The following SPSB1 variants were observed in gnomAD, a reference collection of about 807,000 sequenced individuals.
SPSB1 encodes the protein splA/ryanodine receptor domain and SOCS box containing 1.
A neutral mutation model predicts 21.2 loss-of-function variants in SPSB1; 8 were observed. The ratio of observed to expected loss-of-function variants is 0.38; its 90% CI spans 0.22 to 0.68. The LOEUF is 0.68. Ranked by LOEUF, SPSB1 falls within the 30% of genes least tolerant of loss-of-function variation. SPSB1 has a pLI of 0.53. For missense variants in SPSB1, 242 were observed against 377.8 expected, an observed-to-expected ratio of 0.64 and a Z score of 2.98; for synonymous variants, 169 against 161.7, an observed-to-expected ratio of 1.05 and a Z score of -0.34.
chr1:9,332,952 G>A (rs925462295), intron 1 of SPSB1, among the ~76,000 whole-genome samples: 13 of 152,240 alleles, frequency 8.5e-5, no homozygotes, highest in African/African-American at 2.7e-4. Context: ...GCTGTGGGTG[G>A]TTCTGGCCTG....
intron 1 of SPSB1, among the ~76,000 whole-genome samples, chr1:9,295,134 C>G (rs1392547185): frequency 6.6e-6 from 1 of 152,132 alleles, no homozygotes; most frequent in East Asian, 1.9e-4. Context: ...ATTTAAAGCA[C>G]TCCTGCTCTC....
At position 9,293,204 on chromosome 1, in the gene SPSB1, C is replaced by A; in HGVS notation, c.-150+133C>A. 1.1e-6 allele frequency: 1 copy of A among 950,258 alleles called. No individual in the cohort carries two copies. The highest frequency in any genetic ancestry group is 1.3e-6 in the Non-Finnish European group (1 of 799,454). The allele number at this position is 950,258 out of a possible 1,614,324, so 58.9% of individuals were successfully genotyped here. A position where few individuals can be genotyped will look rare whatever the true frequency, so the allele number is the denominator to read the frequency against. On this transcript the variant is annotated intron_variant, in intron 1 of 2. Transcript: ENST00000328089. The surrounding 1 kb of genome is among the most constrained non-coding windows in gnomAD (Gnocchi z 5.1). ...ACCGAGTGGGTGGCGCGGGGCCGGG[C>A]GCGGGGGAGCGGGTGGAGTACGGGA...
At chr1:9,316,803 G>A (rs1201739348) in intron 1 of SPSB1, among the ~76,000 whole-genome samples, 3 of 152,224 alleles carry the variant, frequency 2.0e-5, no homozygotes, top group African/African-American at 7.2e-5. Context: ...AGCCCAGCTT[G>A]GGAGGTGGCT....
At chr1:9,359,807 C>T (rs1640437594) in intron 2 of SPSB1, among the ~76,000 whole-genome samples, 1 of 113,740 alleles carries the variant, frequency 8.8e-6, no homozygotes, top group South Asian at 2.9e-4. Context: ...CCAGGCTTGT[C>T]CCGGTGAGAG....
At chr1:9,322,940 A>C (rs1453283937) in intron 1 of SPSB1, among the ~76,000 whole-genome samples, 5 of 143,398 alleles carry the variant, frequency 3.5e-5, no homozygotes, top group Non-Finnish European at 6.0e-5. Flanking sequence ...CTGGGCTTGC[A>C]AGGAGGTTCC....
At chr1:9,333,611 G>A (rs780332576) in intron 1 of SPSB1, among the ~76,000 whole-genome samples, 25 of 152,254 alleles carry the variant, frequency 1.6e-4, no homozygotes, top group Admixed American at 4.6e-4. Context: ...GATTACAAGC[G>A]TGAGCCACCA....
rs1305758520 is a variant in SPSB1, at chr1:9,343,693, C to T, written c.-149-12050C>T. Among the ~76,000 whole-genome samples, 3 of 152,338 alleles carry T rather than the reference C, an allele frequency of 2.0e-5. No individual in the cohort carries two copies. In the South Asian group the frequency reaches 6.2e-4, roughly 32 times the overall value. ...TACAGTTTTTTCTAGGTTTTAGTCT[C>T]ACGGCAGATGCAGTTGTGACCTTTT... On this transcript the variant is annotated intron_variant, in intron 1 of 2. Coordinates refer to ENST00000328089, the MANE Select transcript of SPSB1 (RefSeq NM_025106.4).
intron 2 of SPSB1, among the ~76,000 whole-genome samples, chr1:9,362,383 G>A (rs1640496927): frequency 1.3e-5 from 2 of 152,392 alleles, no homozygotes; most frequent in South Asian, 4.1e-4. Flanking sequence ...GCTCCACGTT[G>A]TGTTTGGCTG....
At chr1:9,302,607 G>A (rs889989945) in intron 1 of SPSB1, among the ~76,000 whole-genome samples, 2 of 152,284 alleles carry the variant, frequency 1.3e-5, no homozygotes, top group East Asian at 1.9e-4. Context: ...TCTGGGACTC[G>A]TACGAGTGGT....
intron 1 of SPSB1, among the ~76,000 whole-genome samples, chr1:9,307,448 G>A (rs543721689): frequency 4.6e-5 from 7 of 152,314 alleles, no homozygotes; most frequent in Non-Finnish European, 8.8e-5. Flanking sequence ...CTGATTTGAC[G>A]GGTTTGCCTG....
chr1:9,349,553 C>T (rs1436218778), intron 1 of SPSB1, among the ~76,000 whole-genome samples: 1 of 152,248 alleles, frequency 6.6e-6, no homozygotes, highest in Admixed American at 6.5e-5. Flanking sequence ...TGACACAAGG[C>T]GTGCAGGAGC....
chr1:9,367,705 C>G lies in SPSB1; in HGVS notation c.*130C>G, dbSNP rs1640602027. The G allele has an allele frequency of 7.3e-7, 1 of 1,378,902 alleles. No homozygotes were observed. The highest frequency in any genetic ancestry group is 2.7e-5 in the Admixed American group (1 of 36,562). 85.4% of individuals were successfully genotyped at this position (1,378,902 alleles called of 1,614,324 possible). A position where few individuals can be genotyped will look rare whatever the true frequency, so the allele number is the denominator to read the frequency against. ...CATGGACAGAGGTCCCTGGTCTTCC[C>G]TCATCCTCCGTGGCTGCCTCCATGG... On this transcript the variant is annotated 3_prime_UTR_variant, in exon 3 of 3. Transcript: ENST00000328089. This position sits in a 1 kb window ranked among gnomAD's most constrained non-coding sequence, Gnocchi z 5.9.
rs188558958 is a variant in SPSB1, at chr1:9,348,485, C to G, written c.-149-7258C>G. ...GAAGACAGGTGCCCTTCACCTGTCCCGGGTCTAGGACTCCCAAACAGTGCA... is the reference window on the plus strand; with the variant it reads ...GAAGACAGGTGCCCTTCACCTGTCCGGGGTCTAGGACTCCCAAACAGTGCA... On this transcript the variant is annotated intron_variant, in intron 1 of 2. Transcript: ENST00000328089. This position sits in a 1 kb window ranked among gnomAD's most constrained non-coding sequence, Gnocchi z 4.8. 6.6e-6 allele frequency among the ~76,000 whole-genome samples: 1 copy of G among 151,992 alleles called. No individual in the cohort carries two copies. Among genetic ancestry groups the G allele is most frequent in the Non-Finnish European group, 1.5e-5 (1 of 68,000 alleles).
chr1:9,358,684 C>T (rs949933719), intron 2 of SPSB1, among the ~76,000 whole-genome samples: 1 of 152,214 alleles, frequency 6.6e-6, no homozygotes, highest in Non-Finnish European at 1.5e-5. Flanking sequence ...AGGGGACTGC[C>T]AGACCTGCTC....
chr1:9,363,779 A>G lies in SPSB1; in HGVS notation c.695-3669A>G, dbSNP rs1244795035. On this transcript the variant is annotated intron_variant, in intron 2 of 2. Coordinates refer to ENST00000328089, the MANE Select transcript of SPSB1 (RefSeq NM_025106.4). This position sits in a 1 kb window ranked among gnomAD's most constrained non-coding sequence, Gnocchi z 4.5. The stretch of plus-strand genomic sequence containing the variant: ...CAGTGGCGCAATCTCAGCTCACTGC[A>G]AACCTCTGCCTCCCAGGTTCAAGCA... 6.6e-6 allele frequency among the ~76,000 whole-genome samples: 1 copy of G among 151,922 alleles called. No homozygotes were observed. The highest frequency in any genetic ancestry group is 1.5e-5 in the Non-Finnish European group (1 of 67,966).
Position 9,305,849 on chromosome 1 carries a change from C to T in SPSB1, c.-150+12778C>T, listed in dbSNP as rs188970064. ...AGTGGGTGAGACAGGCCCGTCTCTG[C>T]TGATGATAGCGCTCAGGGTATCAGA... On this transcript the variant is annotated intron_variant, in intron 1 of 2. Coordinates refer to ENST00000328089, the MANE Select transcript of SPSB1 (RefSeq NM_025106.4). This position sits in a 1 kb window ranked among gnomAD's most constrained non-coding sequence, Gnocchi z 4.8. Among the ~76,000 whole-genome samples the T allele has an allele frequency of 8.5e-5, 13 of 152,260 alleles. No individual in the cohort carries two copies. The East Asian group carries it at 1.9e-3, about 23-fold the overall frequency.
chr1:9,296,453 T>C (rs548863652), intron 1 of SPSB1, among the ~76,000 whole-genome samples: 1 of 152,340 alleles, frequency 6.6e-6, no homozygotes, highest in South Asian at 2.1e-4. Context: ...TTTTTTGTTA[T>C]TATGGAAAAT....
At chr1:9,330,703 A>T (rs1639900999) in intron 1 of SPSB1, among the ~76,000 whole-genome samples, 1 of 35,808 alleles carries the variant, frequency 2.8e-5, no homozygotes, top group Non-Finnish European at 6.4e-5. Context: ...GTTCTTCTGA[A>T]CTTTTTTTTT....
At chr1:9,294,142 G>A (rs1297305774) in intron 1 of SPSB1, among the ~76,000 whole-genome samples, 1 of 151,340 alleles carries the variant, frequency 6.6e-6, no homozygotes, top group Non-Finnish European at 1.5e-5. Context: ...GTCTTTGGGT[G>A]TGTGTCTCTG....
Sources: gnomAD v4.1 joint callset for allele counts (sites outside exome capture counted in the v4.1 genomes callset) on GRCh38, gnomAD v4.1.1 for gene constraint, Gnocchi (gnomAD v3.1) non-coding constraint, MANE v1.5 for transcripts, NCBI Gene and HGNC (gene_info 2026-07-23, HGNC 2026-07-21) for gene names.